Variants in TINAG observed in about 807,000 individuals in gnomAD.
The protein encoded by TINAG is tubulointerstitial nephritis antigen.
TINAG carries 83 observed loss-of-function variants against 72.7 expected under a neutral mutation model. That is an observed-to-expected ratio of 1.14 (90% CI 0.96 to 1.37). TINAG has a LOEUF of 1.37. Ranked by LOEUF, TINAG falls within the 40% of genes most tolerant of loss-of-function variation. The probability of loss-of-function intolerance (pLI) is 0.00; values close to 1 mark genes in which losing one functional copy is unlikely to be tolerated. For synonymous variants in TINAG, 234 were observed against 189.9 expected, an observed-to-expected ratio of 1.23 and a Z score of -1.91; for missense variants, 685 against 576.6, an observed-to-expected ratio of 1.19 and a Z score of -1.93.
chr6:54,349,897 G>GT lies in TINAG; in HGVS notation c.1080+2dup. The GT allele has an allele frequency of 6.5e-7, 1 of 1,544,196 alleles. No individual in the cohort carries two copies. The highest frequency in any genetic ancestry group is 8.8e-7 in the Non-Finnish European group (1 of 1,138,440). ...TCCTCCATACAGAGTCTCTTCCAAC[G>GT]TAAGTATAAATGGCAAGAATCAAGA... On this transcript the variant is annotated splice_donor_variant, in intron 7 of 10. Coordinates refer to ENST00000259782, the MANE Select transcript of TINAG (RefSeq NM_014464.4). LOFTEE classifies it high-confidence loss of function.
intron 9 of TINAG, chr6:54,365,265 T>G (rs1245819411): frequency 6.6e-6 from 1 of 151,610 alleles, no homozygotes; most frequent in Non-Finnish European, 1.5e-5. Context: ...GCAAAAGGCT[T>G]CTCTCCTCCT....
In TINAG at chr6:54,389,896, G is replaced by T; in HGVS notation, c.1402G>T (p.Gly468Cys). The T allele has an allele frequency of 1.2e-6, 2 of 1,611,012 alleles. No homozygotes were observed. Among genetic ancestry groups the T allele is most frequent in the Non-Finnish European group, 1.7e-6 (2 of 1,178,698 alleles). Residue 468 changes from glycine (G) to cysteine (C), a missense_variant, in exon 11 of 11, where the codon GGC becomes TGC. Gly to Cys is a radical substitution (Grantham distance 159). Transcript: ENST00000259782. Reference sequence around the variant, plus strand: ...TGAAAAGTTGATTATCGCAGCTTGGGGCCAACTGACGAGTTCTGATGAACC... The same window carrying T: ...TGAAAAGTTGATTATCGCAGCTTGGTGCCAACTGACGAGTTCTGATGAACC... ...DIEKLIIAAW[G>C]QLTSSDEP is the part of the protein sequence containing the mutation.
At chr6:54,310,755 T>C (rs1048977052) in intron 1 of TINAG, among the ~76,000 whole-genome samples, 1 of 139,198 alleles carries the variant, frequency 7.2e-6, no homozygotes, top group Non-Finnish European at 1.5e-5. Context: ...CTTCTCTTTC[T>C]TTTTTCTCTC....
intron 4 of TINAG, among the ~76,000 whole-genome samples, chr6:54,333,621 A>T (rs1008821676): frequency 7.9e-5 from 11 of 139,728 alleles, no homozygotes; most frequent in South Asian, 2.2e-4. Context: ...TATAATAAAA[A>T]AAAAAAAAAT....
At chr6:54,308,348 T>A (rs1784158146), upstream of TINAG, 2 of 636,810 alleles carry the variant, frequency 3.1e-6, no homozygotes, top group Non-Finnish European at 5.4e-6. Context: ...ATAGTTTATT[T>A]CTAACATACA....
chr6:54,335,528 G>T (rs1368830734), intron 4 of TINAG, among the ~76,000 whole-genome samples: 1 of 152,160 alleles, frequency 6.6e-6, no homozygotes, highest in Non-Finnish European at 1.5e-5. Context: ...CTGAGTGTTA[G>T]AGAGGTTTTA....
At position 54,357,808 on chromosome 6, in the gene TINAG, A is replaced by G. The variant is rs183914227; in HGVS notation, c.1250+3172A>G. On this transcript the variant is annotated intron_variant, in intron 9 of 10. Transcript: ENST00000259782. ...ACTGCATTGATCTTCGCTCCTTGAC[A>G]GTCTAGTCTCAACATAGAAAACAGG... 9.7e-4 allele frequency among the ~76,000 whole-genome samples: 147 copies of G among 152,074 alleles called. 1 individual carries two copies. Among genetic ancestry groups the G allele is most frequent in the South Asian group, 2.3e-3 (11 of 4,826 alleles).
intron 1 of TINAG, among the ~76,000 whole-genome samples, chr6:54,318,126 A>G (rs1472795859): frequency 6.6e-6 from 1 of 152,000 alleles, no homozygotes; most frequent in Non-Finnish European, 1.5e-5. Context: ...ACTTTCTCTT[A>G]CCTATATACA....
At chr6:54,322,880 G>T (rs928775772) in intron 3 of TINAG, among the ~76,000 whole-genome samples, 1 of 152,188 alleles carries the variant, frequency 6.6e-6, no homozygotes. Context: ...GTCATCTTGA[G>T]AAATTGAATC....
intron 9 of TINAG, among the ~76,000 whole-genome samples, chr6:54,371,110 CTG>C (rs70983416): frequency 0.17 from 25,887 of 148,824 alleles, 2,477 homozygotes; most frequent in Non-Finnish European, 0.22. Flanking sequence ...CTTACGAAAA[CTG>C]TGTGTGTGTG....
At chr6:54,326,579 A>G (rs917146980) in intron 3 of TINAG, among the ~76,000 whole-genome samples, 1 of 152,146 alleles carries the variant, frequency 6.6e-6, no homozygotes, top group African/African-American at 2.4e-5. Flanking sequence ...GAATCATTAA[A>G]ATACTTGAAA....
chr6:54,322,469 C>A (rs1015951239), intron 3 of TINAG, among the ~76,000 whole-genome samples: 4 of 152,022 alleles, frequency 2.6e-5, no homozygotes, highest in African/African-American at 9.7e-5. Flanking sequence ...CTCGATATAC[C>A]CTTGATAACA....
chr6:54,386,588 C>T (rs1384653805), intron 10 of TINAG, among the ~76,000 whole-genome samples: 1 of 152,054 alleles, frequency 6.6e-6, no homozygotes, highest in Non-Finnish European at 1.5e-5. Context: ...CAACAGAGTA[C>T]CTTACATCTT....
chr6:54,373,711 A>G (rs1255640197), intron 9 of TINAG, among the ~76,000 whole-genome samples: 1 of 152,102 alleles, frequency 6.6e-6, no homozygotes, highest in Non-Finnish European at 1.5e-5. Context: ...TTTATTAACA[A>G]AAACAGGCAT....
chr6:54,350,053 G>A (rs576139747), intron 7 of TINAG, among the ~76,000 whole-genome samples, 157 bp downstream of exon 7: 43 of 152,018 alleles, frequency 2.8e-4, no homozygotes, highest in African/African-American at 9.6e-4. Flanking sequence ...AGGACTTTCA[G>A]TTTGGGTATG....
chr6:54,337,421 T>A lies in TINAG; in HGVS notation c.625-5805T>A, dbSNP rs373714617. Among the ~76,000 whole-genome samples the A allele has an allele frequency of 4.6e-5, 7 of 152,164 alleles. No individual in the cohort carries two copies. The South Asian group carries it at 6.2e-4, about 14-fold the overall frequency. The stretch of plus-strand genomic sequence containing the variant: ...GGCATCTGCCACCAAGCCCGGCTAA[T>A]CTTCGTATTTTTAGTAGAGACAGGG... On this transcript the variant is annotated intron_variant, in intron 4 of 10. Transcript: ENST00000259782.
At chr6:54,323,564 A>G (rs148585368) in intron 3 of TINAG, among the ~76,000 whole-genome samples, 22 of 152,340 alleles carry the variant, frequency 1.4e-4, no homozygotes, top group South Asian at 2.1e-4. Flanking sequence ...TATGTAATGT[A>G]CTTCAGTGCT....
At chr6:54,344,283 A>G (rs1349417083) in intron 5 of TINAG, among the ~76,000 whole-genome samples, 3 of 152,182 alleles carry the variant, frequency 2.0e-5, no homozygotes, top group East Asian at 3.9e-4. Flanking sequence ...CATAGTATCA[A>G]TCAGACAACT....
At chr6:54,346,744 C>T (rs914070054) in intron 5 of TINAG, among the ~76,000 whole-genome samples, 2 of 151,856 alleles carry the variant, frequency 1.3e-5, no homozygotes, top group African/African-American at 4.8e-5. Flanking sequence ...ATATTATGAG[C>T]ACAAAAGTGT....
Sources: allele counts gnomAD v4.1 joint callset (sites outside exome capture counted in the v4.1 genomes callset), GRCh38; gene constraint gnomAD v4.1.1; transcripts MANE v1.5; gene names NCBI Gene and HGNC (gene_info 2026-07-23, HGNC 2026-07-21).